GPR4: variants seen among roughly 807,000 people sequenced by gnomAD.
GPR4 encodes G-prodeshotein coupled receptor 4.
A neutral mutation model predicts 17.8 loss-of-function variants in GPR4; 11 were observed. The ratio of observed to expected loss-of-function variants is 0.62; its 90% CI spans 0.39 to 1.02. GPR4 has a LOEUF of 1.02. Among genes scored for constraint, GPR4 ranks in the 50% least tolerant of loss-of-function variants. GPR4 has a pLI of 0.00. For synonymous variants in GPR4, 219 were observed against 222.8 expected, an observed-to-expected ratio of 0.98 and a Z score of 0.15; for missense variants, 364 against 495.4, an observed-to-expected ratio of 0.73 and a Z score of 2.52.
chr19:45,593,880 T>G (rs1970024621), intron 1 of GPR4, among the ~76,000 whole-genome samples: 1 of 151,102 alleles, frequency 6.6e-6, no homozygotes, highest in Non-Finnish European at 1.5e-5. Flanking sequence ...ATTATTTCTT[T>G]TTATTTATTT....
intron 1 of GPR4, among the ~76,000 whole-genome samples, chr19:45,595,879 T>G (rs568455527): frequency 6.6e-6 from 1 of 152,062 alleles, no homozygotes; most frequent in Admixed American, 6.5e-5. Flanking sequence ...TTTTAAAACA[T>G]GTTAAAAATG....
chr19:45,594,523 T>G (rs1970038006), intron 1 of GPR4, among the ~76,000 whole-genome samples: 1 of 151,912 alleles, frequency 6.6e-6, no homozygotes, highest in African/African-American at 2.4e-5. Flanking sequence ...TGGATATTAC[T>G]TCTTTGAAAT....
rs1970000950 is a variant in GPR4 at position 45,591,861 on chromosome 19, G to A, written c.6C>T (p.Gly2=). M[G]NHTWEGCHVD... ...CGTGGCAGCCCTCCCACGTGTGGTTGCCCATGGTGGGCACTTCGGCTTCTG... is the reference window on the plus strand; with the variant it reads ...CGTGGCAGCCCTCCCACGTGTGGTTACCCATGGTGGGCACTTCGGCTTCTG... Residue 2 remains glycine (G), a synonymous_variant, in exon 2 of 2, where the codon GGC becomes GGT. Transcript: ENST00000323040. This position sits in a 1 kb window ranked among gnomAD's most constrained non-coding sequence, Gnocchi z 7.6. 6.4e-7 allele frequency: 1 copy of A among 1,554,932 alleles called. No homozygotes were observed. The highest frequency in any genetic ancestry group is 8.7e-7 in the Non-Finnish European group (1 of 1,146,812).
Position 45,591,005 on chromosome 19 carries a change from G to A in GPR4, c.862C>T (p.Leu288=), listed in dbSNP as rs763722076. 1 of 1,613,960 alleles carries A rather than the reference G, an allele frequency of 6.2e-7. No individual in the cohort carries two copies. The highest frequency in any genetic ancestry group is 1.7e-5 in the Admixed American group (1 of 60,026). Reference sequence around the variant, plus strand: ...TCGCTGCGGGCGCCCTCGTTGACCAGGCAGTAGAGGATGGGGTCCGCCACA... The same window carrying A: ...TCGCTGCGGGCGCCCTCGTTGACCAAGCAGTAGAGGATGGGGTCCGCCACA... ...NCVADPILYC[L]VNEGARSDVA... is the part of the protein sequence containing the mutation. Residue 288 remains leucine (L), a synonymous_variant, in exon 2 of 2, where the codon CTG becomes TTG. Coordinates refer to ENST00000323040, the MANE Select transcript of GPR4 (RefSeq NM_005282.3). This position sits in a 1 kb window ranked among gnomAD's most constrained non-coding sequence, Gnocchi z 7.6.
intron 1 of GPR4, among the ~76,000 whole-genome samples, chr19:45,601,855 TC>T (rs1970114803): frequency 1.3e-5 from 2 of 148,882 alleles, no homozygotes; most frequent in Admixed American, 1.3e-4. Flanking sequence ...GACAGAGACA[TC>T]CAGAGACACA....
At chr19:45,593,215 A>AAG (rs1352205199) in intron 1 of GPR4, among the ~76,000 whole-genome samples, 2 of 149,968 alleles carry the variant, frequency 1.3e-5, no homozygotes, top group Non-Finnish European at 3.0e-5. Context: ...AAAAAAAAAA[A>AAG]AAAGGTAGGG....
chr19:45,591,190 G>A lies in GPR4; in HGVS notation c.677C>T (p.Ala226Val), dbSNP rs771971661. The stretch of plus-strand genomic sequence containing the variant: ...CAGCACGATGGCGATGAGGCTGAGG[G>A]CCAGCCGCTTGATCTTGGCCTTCTC... ...RQEKAKIKRLALSLIAIVLVC... is the reference protein window; with the variant it reads ...RQEKAKIKRLVLSLIAIVLVC... The change falls in exon 2 of 2, where the codon GCC (alanine) becomes GTC (valine). Residue 226 changes from alanine to valine, a missense_variant. By Grantham distance (64) the Ala-to-Val change is moderately conservative (BLOSUM62 0). This residue lies in a region of GPR4 where 271 missense variants were observed against 373.1 expected (regional missense o/e 0.73). Transcript: ENST00000323040. This position sits in a 1 kb window ranked among gnomAD's most constrained non-coding sequence, Gnocchi z 7.6. The A allele has an allele frequency of 5.0e-6, 8 of 1,612,538 alleles. No individual in the cohort carries two copies. Among genetic ancestry groups the A allele is most frequent in the Non-Finnish European group, 5.1e-6 (6 of 1,179,838 alleles).
rs1206423978 is a variant in GPR4, at chr19:45,590,517, G to A, written c.*261C>T. The A allele has an allele frequency of 9.3e-6, 4 of 429,848 alleles. No individual in the cohort carries two copies. The highest frequency in any genetic ancestry group is 1.7e-5 in the Non-Finnish European group (4 of 241,574). The allele number at this position is 429,848 out of a possible 1,614,324, so 26.6% of individuals were successfully genotyped here. ...ACTGCACTACTGCACTCCAGCCTGG[G>A]CAACACAGTGAGACCCTGTCTCCAA... On this transcript the variant is annotated 3_prime_UTR_variant, in exon 2 of 2. Transcript: ENST00000323040.
Position 45,592,498 on chromosome 19 carries a change from G to A in GPR4, c.-632C>T, listed in dbSNP as rs569375798. The stretch of plus-strand genomic sequence containing the variant: ...CTGGAAAAGGAGGTGTCTGGCACAG[G>A]GTGGACAAAGATAAAAGGCTCGGTC... On this transcript the variant is annotated 5_prime_UTR_variant, in exon 2 of 2. Transcript: ENST00000323040. The A allele has an allele frequency of 9.0e-5, 15 of 167,530 alleles. No homozygotes were observed. The Admixed American group carries it at 9.2e-4, about 10-fold the overall frequency. 10.4% of individuals were successfully genotyped at this position (167,530 alleles called of 1,614,324 possible). A position where few individuals can be genotyped will look rare whatever the true frequency, so the allele number is the denominator to read the frequency against.
In GPR4 at chr19:45,589,935, CCTT is replaced by C. The variant is rs1172067591; in HGVS notation, c.*840_*842del. 1 of 152,386 alleles carries C rather than the reference CCTT, an allele frequency of 6.6e-6. No individual in the cohort carries two copies. Among genetic ancestry groups the C allele is most frequent in the African/African-American group, 2.4e-5 (1 of 41,452 alleles). 9.4% of individuals were successfully genotyped at this position (152,386 alleles called of 1,614,324 possible). On this transcript the variant is annotated 3_prime_UTR_variant, in exon 2 of 2. Transcript: ENST00000323040. ...AAATACCCTTTCTTCTTGTCCCACA[CCTT>C]CTTCCCAAACCTTCTGGCATCACTC...
chr19:45,594,078 A>ATATTT lies in GPR4; in HGVS notation c.-831-1382_-831-1381insAAATA, dbSNP rs1555738348. Among the ~76,000 whole-genome samples the ATATTT allele has an allele frequency of 1.2e-3, 89 of 74,572 alleles. 1 individual carries two copies. Among genetic ancestry groups the ATATTT allele is most frequent in the African/African-American group, 6.9e-3 (84 of 12,240 alleles). 48.9% of individuals were successfully genotyped at this position (74,572 alleles called of 152,430 possible). Reference sequence around the variant, plus strand: ...AAAAAAAAAAAATATATATATATATATATATATATATATATAAAATAGATG... The same window carrying ATATTT: ...AAAAAAAAAAAATATATATATATATATATTTTATATATATATATATAAAATAGATG... On this transcript the variant is annotated intron_variant, in intron 1 of 1. Transcript: ENST00000323040.
At position 45,591,211 on chromosome 19, in the gene GPR4, T is replaced by C. The variant is rs1969989802; in HGVS notation, c.656A>G (p.Lys219Arg). The C allele has an allele frequency of 6.2e-7, 1 of 1,613,310 alleles. No individual in the cohort carries two copies. The highest frequency in any genetic ancestry group is 1.3e-5 in the African/African-American group (1 of 74,892). Residue 219 changes from lysine to arginine, a missense_variant, in exon 2 of 2, where the codon AAG becomes AGG. Coordinates refer to ENST00000323040, the MANE Select transcript of GPR4 (RefSeq NM_005282.3). The surrounding 1 kb of genome is among the most constrained non-coding windows in gnomAD (Gnocchi z 7.6). ...GAGGGCCAGCCGCTTGATCTTGGCC[T>C]TCTCCTGGCGCTCGGTGGACACGCT... Reference protein sequence around the residue: ...RGSVSTERQEKAKIKRLALSL... With the variant: ...RGSVSTERQERAKIKRLALSL...
At chr19:45,598,390 T>G (rs1323553189) in intron 1 of GPR4, among the ~76,000 whole-genome samples, 1 of 151,806 alleles carries the variant, frequency 6.6e-6, no homozygotes, top group Non-Finnish European at 1.5e-5. Flanking sequence ...CCCCCAGGGC[T>G]CTGCTGACCT....
intron 1 of GPR4, among the ~76,000 whole-genome samples, chr19:45,601,209 C>T (rs1489558095): frequency 6.6e-6 from 1 of 152,158 alleles, no homozygotes; most frequent in African/African-American, 2.4e-5. Context: ...TGAGTACGCA[C>T]ACACACACAT....
chr19:45,596,186 C>CTTTCT (rs1970056305), intron 1 of GPR4, among the ~76,000 whole-genome samples: 1 of 150,042 alleles, frequency 6.7e-6, no homozygotes, highest in East Asian at 2.0e-4. Context: ...CCAGAAAGAT[C>CTTTCT]TTTCTTTTCT....
intron 1 of GPR4, among the ~76,000 whole-genome samples, chr19:45,594,063 A>ATATATATATATATATGT (rs1555738313): frequency 5.5e-5 from 2 of 36,244 alleles, no homozygotes; most frequent in Non-Finnish European, 9.1e-5. Context: ...AAAAAAAAAA[A>ATATATATATATATATGT]ATATATATAT....
chr19:45,598,283 C>T (rs1452119049), intron 1 of GPR4, among the ~76,000 whole-genome samples: 1 of 152,030 alleles, frequency 6.6e-6, no homozygotes, highest in Non-Finnish European at 1.5e-5. Context: ...TATTATTCCA[C>T]GGGGACTAGG....
Position 45,591,615 on chromosome 19 carries a change from G to A in GPR4, c.252C>T (p.Ile84=), listed in dbSNP as rs141203780. The A allele has an allele frequency of 1.4e-3, 2,270 of 1,614,128 alleles. 43 individuals carry two copies. The South Asian group carries it at 0.017, about 12-fold the overall frequency. Reference sequence around the variant, plus strand: ...AGAGCTTGCAGGACCCGGGGCCGTGGATCCAGTTGTCGTGGTGCAGGAAGT... The same window carrying A: ...AGAGCTTGCAGGACCCGGGGCCGTGAATCCAGTTGTCGTGGTGCAGGAAGT... ...VDYFLHHDNW[I]HGPGSCKLFG... The change falls in exon 2 of 2, where the codon ATC becomes ATT. Residue 84 remains isoleucine, a synonymous_variant. Coordinates refer to ENST00000323040, the MANE Select transcript of GPR4 (RefSeq NM_005282.3). The surrounding 1 kb of genome is among the most constrained non-coding windows in gnomAD (Gnocchi z 7.6).
rs114227605 is a variant in GPR4, at chr19:45,593,868, A to G, written c.-831-1171T>C. The stretch of plus-strand genomic sequence containing the variant: ...GATCCCATTCCAGGCATTTTTATGC[A>G]TATTATTTCTTTTTATTTATTTATT... On this transcript the variant is annotated intron_variant, in intron 1 of 1. Coordinates refer to ENST00000323040, the MANE Select transcript of GPR4 (RefSeq NM_005282.3). Among the ~76,000 whole-genome samples the G allele has an allele frequency of 4.1e-3, 627 of 151,390 alleles. 6 individuals carry two copies. Among genetic ancestry groups the G allele is most frequent in the African/African-American group, 0.014 (592 of 41,150 alleles).
Sources: gnomAD v4.1 joint callset for allele counts (sites outside exome capture counted in the v4.1 genomes callset) on GRCh38, gnomAD v4.1.1 for gene constraint, gnomAD v4.1.1 regional missense constraint, Gnocchi (gnomAD v3.1) non-coding constraint, MANE v1.5 for transcripts, NCBI Gene and HGNC (gene_info 2026-07-23, HGNC 2026-07-21) for gene names.